The following CARMIL1 variants were observed in gnomAD, a reference collection of about 807,000 sequenced individuals.
CARMIL1 encodes the protein capping protein regulator and myosin 1 linker 1.
CARMIL1 carries 90 observed loss-of-function variants against 177.1 expected under a neutral mutation model. That is an observed-to-expected ratio of 0.51 (90% CI 0.43 to 0.61). The LOEUF (loss-of-function observed/expected upper bound fraction) is 0.61. CARMIL1 is among the 20% of genes least tolerant of loss of function. The probability of loss-of-function intolerance (pLI) is 0.00; values close to 1 mark genes in which losing one functional copy is unlikely to be tolerated. For synonymous variants in CARMIL1, 577 were observed against 606.2 expected, an observed-to-expected ratio of 0.95 and a Z score of 0.71; for missense variants, 1,380 against 1,667.0, an observed-to-expected ratio of 0.83 and a Z score of 3.00.
chr6:25,465,147 T>TA (rs1428148259), intron 8 of CARMIL1, among the ~76,000 whole-genome samples: 1 of 151,728 alleles, frequency 6.6e-6, no homozygotes, highest in Non-Finnish European at 1.5e-5. Flanking sequence ...CAGTGCCACT[T>TA]ACTGTCAGGG....
At chr6:25,385,929 GT>G (rs1393559477) in intron 2 of CARMIL1, among the ~76,000 whole-genome samples, 3 of 152,202 alleles carry the variant, frequency 2.0e-5, no homozygotes, top group African/African-American at 7.2e-5. Context: ...AGAAGATTTG[GT>G]AAAGAAGGTG....
At chr6:25,578,765 A>T (rs1192198162) in intron 29 of CARMIL1, among the ~76,000 whole-genome samples, 3 of 152,202 alleles carry the variant, frequency 2.0e-5, no homozygotes, top group African/African-American at 7.2e-5. Context: ...AAGATATGAT[A>T]GGTATAGATT....
At chr6:25,308,405 G>A (rs925415490) in intron 2 of CARMIL1, among the ~76,000 whole-genome samples, 5 of 130,038 alleles carry the variant, frequency 3.8e-5, no homozygotes, top group Non-Finnish European at 6.5e-5. Flanking sequence ...TTTTTGAGAT[G>A]GAGTCTCCCT....
At chr6:25,364,877 A>G (rs1348095559) in intron 2 of CARMIL1, among the ~76,000 whole-genome samples, 1 of 152,150 alleles carries the variant, frequency 6.6e-6, no homozygotes, top group African/African-American at 2.4e-5. Context: ...ACCCCGGAAG[A>G]GTACAGTGTC....
At chr6:25,308,376 C>CT (rs1561963417) in intron 2 of CARMIL1, among the ~76,000 whole-genome samples, 10 of 139,572 alleles carry the variant, frequency 7.2e-5, no homozygotes, top group Admixed American at 2.2e-4. Flanking sequence ...ATTGTACAAC[C>CT]ATTTTTTTTT....
At chr6:25,527,822 G>A (rs1335872801) in intron 23 of CARMIL1, 11 of 259,562 alleles carry the variant, frequency 4.2e-5, no homozygotes, top group African/African-American at 1.6e-4. Flanking sequence ...AGTCATTTTA[G>A]CATATGGAAA....
At chr6:25,391,025 G>A (rs1236409055) in intron 2 of CARMIL1, among the ~76,000 whole-genome samples, 2 of 152,200 alleles carry the variant, frequency 1.3e-5, no homozygotes, top group Non-Finnish European at 2.9e-5. Flanking sequence ...TAATATTTGT[G>A]TGTTTTCAAG....
Position 25,279,524 on chromosome 6 carries a change from A to G in CARMIL1, c.-272A>G. ...CGCCCCGCGCCCCGCGCCCGCTTGT[A>G]ATCCGGTCCGCTCCTTATTCAGCCG... On this transcript the variant is annotated 5_prime_UTR_variant, in exon 1 of 37. Coordinates refer to ENST00000329474, the MANE Select transcript of CARMIL1 (RefSeq NM_017640.6). 1 of 535,414 alleles carries G rather than the reference A, an allele frequency of 1.9e-6. No individual in the cohort carries two copies. The highest frequency in any genetic ancestry group is 3.4e-6 in the Non-Finnish European group (1 of 297,076). 33.2% of individuals were successfully genotyped at this position (535,414 alleles called of 1,614,324 possible).
intron 15 of CARMIL1, among the ~76,000 whole-genome samples, chr6:25,493,695 G>T (rs913052539): frequency 2.6e-5 from 4 of 152,144 alleles, no homozygotes; most frequent in African/African-American, 9.7e-5. Context: ...GAGTCACATG[G>T]CCAAGCCTGC....
At chr6:25,468,200 T>A (rs429964) in intron 9 of CARMIL1, among the ~76,000 whole-genome samples, 23,288 of 145,788 alleles carry the variant, frequency 0.16, 1,876 homozygotes, top group Non-Finnish European at 0.19. Flanking sequence ...TCAAGGATTT[T>A]TAAAAAAAAA....
chr6:25,612,863 A>T (rs904097337), intron 36 of CARMIL1: 1 of 985,322 alleles, frequency 1.0e-6, no homozygotes, highest in Admixed American at 6.1e-5. Context: ...GCAATTGGGC[A>T]CAGGAAGTCA....
chr6:25,280,784 C>A (rs1262067812), intron 1 of CARMIL1, among the ~76,000 whole-genome samples: 2 of 152,004 alleles, frequency 1.3e-5, no homozygotes, highest in Non-Finnish European at 2.9e-5. Flanking sequence ...GTGTTTTGAG[C>A]CCTAGTGACC....
At chr6:25,546,649 C>T (rs995147413) in intron 26 of CARMIL1, among the ~76,000 whole-genome samples, 5 of 138,584 alleles carry the variant, frequency 3.6e-5, no homozygotes, top group Non-Finnish European at 7.7e-5. Flanking sequence ...AATGAGATCC[C>T]GTCTCAACAA....
intron 12 of CARMIL1, among the ~76,000 whole-genome samples, chr6:25,486,039 T>C (rs917523585): frequency 1.5e-4 from 23 of 152,102 alleles, no homozygotes; most frequent in African/African-American, 5.6e-4. Flanking sequence ...TTCTAGCAAA[T>C]GTCCTGCTGG....
chr6:25,329,748 C>T (rs1055293111), intron 2 of CARMIL1, among the ~76,000 whole-genome samples: 1 of 152,124 alleles, frequency 6.6e-6, no homozygotes, highest in Non-Finnish European at 1.5e-5. Context: ...CAAAGATACT[C>T]AAAGTATCTC....
intron 2 of CARMIL1, among the ~76,000 whole-genome samples, chr6:25,415,282 C>T (rs919258501): frequency 1.3e-5 from 2 of 152,138 alleles, no homozygotes; most frequent in African/African-American, 4.8e-5. Context: ...CCCACCTCAG[C>T]CTCCTGAGTA....
intron 8 of CARMIL1, among the ~76,000 whole-genome samples, chr6:25,457,515 A>G (rs776914313): frequency 6.6e-6 from 1 of 152,170 alleles, no homozygotes; most frequent in Non-Finnish European, 1.5e-5. Flanking sequence ...GCAGGAGGGA[A>G]TAGCTAATTT....
intron 33 of CARMIL1, among the ~76,000 whole-genome samples, chr6:25,601,720 C>T (rs1260094727): frequency 1.3e-5 from 2 of 152,164 alleles, no homozygotes; most frequent in African/African-American, 4.8e-5. Context: ...TTAAAATTTG[C>T]TGAGTTCCCC....
intron 5 of CARMIL1, among the ~76,000 whole-genome samples, chr6:25,449,089 G>A (rs1798530629): frequency 1.3e-5 from 2 of 151,990 alleles, no homozygotes; most frequent in African/African-American, 4.8e-5. Context: ...ATGGTGTTTC[G>A]TCACATTGCC....
Sources: gnomAD v4.1 joint callset for allele counts (sites outside exome capture counted in the v4.1 genomes callset) on GRCh38, gnomAD v4.1.1 for gene constraint, MANE v1.5 for transcripts, NCBI Gene and HGNC (gene_info 2026-07-23, HGNC 2026-07-21) for gene names.